PPM1H: variants seen among roughly 807,000 people sequenced by gnomAD.
PPM1H encodes the protein protein phosphatase, Mg2+/Mn2+ dependent 1H, also known as protein phosphatase 1H.
Under a neutral mutation model 54.9 loss-of-function variants are expected in PPM1H, and 27 were observed. That is an observed-to-expected ratio of 0.49 (90% confidence interval 0.36 to 0.68). PPM1H has a LOEUF of 0.68. Ranked by LOEUF, PPM1H falls within the 30% of genes least tolerant of loss-of-function variation. The pLI is 0.00. For synonymous variants in PPM1H, 305 were observed against 270.8 expected, an observed-to-expected ratio of 1.13 and a Z score of -1.24; for missense variants, 596 against 667.8, an observed-to-expected ratio of 0.89 and a Z score of 1.19.
chr12:62,870,206 T>C lies in PPM1H; in HGVS notation c.246-37927A>G, dbSNP rs17098454. 5.2e-3 allele frequency among the ~76,000 whole-genome samples: 794 copies of C among 152,280 alleles called. 7 individuals are homozygous for C. The highest frequency in any genetic ancestry group is 0.032 in the South Asian group (156 of 4,822). ...GAGGAAGCAAAGCTGAGATTGGAGA[T>C]GCCTTGAGTCAGGGAGGGCATCCAG... On this transcript the variant is annotated intron_variant, in intron 1 of 9. Transcript: ENST00000228705.
chr12:62,781,345 C>T (rs2076640876), intron 4 of PPM1H, among the ~76,000 whole-genome samples: 1 of 152,190 alleles, frequency 6.6e-6, no homozygotes, highest in Non-Finnish European at 1.5e-5. Context: ...CGCCCCACTG[C>T]AGGTAGCAGG....
At chr12:62,694,132 T>A in intron 6 of PPM1H, 133 bp from the exon 7 acceptor site, 1 of 733,890 alleles carries the variant, frequency 1.4e-6, no homozygotes, top group Non-Finnish European at 2.3e-6. Flanking sequence ...TCTTCCTTTA[T>A]AGGGAGTTGT....
At chr12:62,695,524 A>G (rs1212261073) in intron 6 of PPM1H, among the ~76,000 whole-genome samples, 1 of 152,170 alleles carries the variant, frequency 6.6e-6, no homozygotes, top group Non-Finnish European at 1.5e-5. Context: ...AAGGAAATAT[A>G]CTGTTTCCTT....
intron 1 of PPM1H, among the ~76,000 whole-genome samples, chr12:62,833,710 C>G (rs1868418960): frequency 6.6e-6 from 1 of 152,176 alleles, no homozygotes; most frequent in Admixed American, 6.5e-5. Context: ...AACTCTGGAA[C>G]TCTATGGAGG....
chr12:62,710,988 T>G (rs2076204297), intron 6 of PPM1H, among the ~76,000 whole-genome samples: 1 of 152,322 alleles, frequency 6.6e-6, no homozygotes, highest in Middle Eastern at 3.4e-3. Flanking sequence ...CCAACTATTA[T>G]CAAGTACTGT....
At chr12:62,871,863 T>A (rs571104) in intron 1 of PPM1H, among the ~76,000 whole-genome samples, 2 of 151,846 alleles carry the variant, frequency 1.3e-5, no homozygotes, top group African/African-American at 4.8e-5. Context: ...ATAAATCATA[T>A]CTCAATTAAA....
At chr12:62,768,523 C>G (rs549437475) in intron 4 of PPM1H, among the ~76,000 whole-genome samples, 9 of 152,022 alleles carry the variant, frequency 5.9e-5, no homozygotes, top group African/African-American at 2.2e-4. Flanking sequence ...GGCATGGTGG[C>G]GGGCGCCTGT....
chr12:62,847,940 C>T (rs1298397231), intron 1 of PPM1H, among the ~76,000 whole-genome samples: 1 of 152,066 alleles, frequency 6.6e-6, no homozygotes, highest in Non-Finnish European at 1.5e-5. Context: ...GTTTACCTTC[C>T]TTATTGCATT....
chr12:62,743,756 G>A (rs2076395028), intron 4 of PPM1H, among the ~76,000 whole-genome samples: 1 of 151,910 alleles, frequency 6.6e-6, no homozygotes, highest in Admixed American at 6.6e-5. Context: ...GCAACTGACA[G>A]AAGGAAAAAT....
At chr12:62,799,010 C>A (rs902389756) in intron 3 of PPM1H, among the ~76,000 whole-genome samples, 1 of 152,170 alleles carries the variant, frequency 6.6e-6, no homozygotes, top group South Asian at 2.1e-4. Context: ...TTTGCCTAAT[C>A]GGCTCAATAT....
intron 1 of PPM1H, among the ~76,000 whole-genome samples, chr12:62,909,700 TA>T (rs1871399280): frequency 6.6e-6 from 1 of 152,196 alleles, no homozygotes; most frequent in Non-Finnish European, 1.5e-5. Context: ...TCCCTGCACT[TA>T]CAGGTAGCTG....
At chr12:62,920,646 A>G (rs190604095) in intron 1 of PPM1H, among the ~76,000 whole-genome samples, 3 of 151,794 alleles carry the variant, frequency 2.0e-5, no homozygotes, top group African/African-American at 7.2e-5. Flanking sequence ...AAGAAAGAAA[A>G]AATTCTTAAT....
At chr12:62,871,661 T>C (rs139565200) in intron 1 of PPM1H, among the ~76,000 whole-genome samples, 105 of 152,072 alleles carry the variant, frequency 6.9e-4, no homozygotes, top group Middle Eastern at 3.4e-3. Context: ...ACTACAGGCA[T>C]GTGTCACCAC....
intron 4 of PPM1H, among the ~76,000 whole-genome samples, chr12:62,774,784 A>C (rs2120661205): frequency 6.6e-6 from 1 of 152,344 alleles, no homozygotes; most frequent in East Asian, 1.9e-4. Flanking sequence ...GTAGGTCCAG[A>C]GTATTATCTG....
In PPM1H at chr12:62,810,894, C is replaced by T. The variant is rs137882712; in HGVS notation, c.412-8734G>A. Reference sequence around the variant, plus strand: ...AGTAAGATTACTTCATGTAATGGTACATGTCTTGGAGCCTCCTTTCCTATG... The same window carrying T: ...AGTAAGATTACTTCATGTAATGGTATATGTCTTGGAGCCTCCTTTCCTATG... On this transcript the variant is annotated intron_variant, in intron 2 of 9. Coordinates refer to ENST00000228705, the MANE Select transcript of PPM1H (RefSeq NM_020700.2). Among the ~76,000 whole-genome samples the T allele has an allele frequency of 1.7e-3, 257 of 152,292 alleles. 2 individuals carry two copies. Among genetic ancestry groups the T allele is most frequent in the African/African-American group, 6.1e-3 (252 of 41,570 alleles).
chr12:62,781,044 T>C (rs1448011121), intron 4 of PPM1H, among the ~76,000 whole-genome samples: 1 of 152,194 alleles, frequency 6.6e-6, no homozygotes. Context: ...AATGGGGAAC[T>C]ACAACTACAC....
At chr12:62,909,634 C>A (rs1048977706) in intron 1 of PPM1H, among the ~76,000 whole-genome samples, 2 of 152,216 alleles carry the variant, frequency 1.3e-5, no homozygotes, top group African/African-American at 4.8e-5. Flanking sequence ...TCTTCTCTGA[C>A]ACTCTCTGTG....
chr12:62,761,427 G>A (rs2076508336), intron 4 of PPM1H, among the ~76,000 whole-genome samples: 1 of 152,208 alleles, frequency 6.6e-6, no homozygotes, highest in Non-Finnish European at 1.5e-5. Context: ...TTGGGGAGGG[G>A]AGGAGATTAT....
At chr12:62,750,734 T>G (rs1390874764) in intron 4 of PPM1H, among the ~76,000 whole-genome samples, 1 of 152,166 alleles carries the variant, frequency 6.6e-6, no homozygotes, top group African/African-American at 2.4e-5. Flanking sequence ...AATTGGTAGG[T>G]TTTAGAACTT....
Sources: allele counts gnomAD v4.1 joint callset (sites outside exome capture counted in the v4.1 genomes callset), GRCh38; gene constraint gnomAD v4.1.1; transcripts MANE v1.5; gene names NCBI Gene and HGNC (gene_info 2026-07-23, HGNC 2026-07-21).